KHDRBS2: variants seen among roughly 807,000 people sequenced by gnomAD.
The protein encoded by KHDRBS2 is KH domain-containing, RNA-binding, signal transduction-associated protein 2.
Under a neutral mutation model 44.3 loss-of-function variants are expected in KHDRBS2, and 26 were observed. The observed-to-expected ratio is 0.59, with a 90% CI of 0.43 to 0.81. The LOEUF is 0.81. Among genes scored for constraint, KHDRBS2 ranks in the 40% least tolerant of loss-of-function variants. The probability of loss-of-function intolerance (pLI) is 0.00; values close to 1 mark genes in which losing one functional copy is unlikely to be tolerated. For synonymous variants in KHDRBS2, 194 were observed against 151.1 expected (o/e 1.28, Z -2.08); for missense variants, 476 against 433.1 (o/e 1.10, Z -0.88).
At chr6:61,908,658 C>T (rs1187314365) in intron 4 of KHDRBS2, among the ~76,000 whole-genome samples, 2 of 147,474 alleles carry the variant, frequency 1.4e-5, no homozygotes, top group East Asian at 2.0e-4. Context: ...AAAATCAATA[C>T]ATAATAAAAG....
At chr6:61,767,980 T>G (rs1159809911) in intron 6 of KHDRBS2, among the ~76,000 whole-genome samples, 3 of 152,292 alleles carry the variant, frequency 2.0e-5, no homozygotes, top group Admixed American at 1.3e-4. Flanking sequence ...GTTTTGTATC[T>G]TCAGATGGGT....
intron 2 of KHDRBS2, among the ~76,000 whole-genome samples, chr6:62,163,154 C>T (rs1285513502): frequency 6.6e-6 from 1 of 152,004 alleles, no homozygotes; most frequent in African/African-American, 2.4e-5. Flanking sequence ...AACCAGCAAA[C>T]TAGGCTGACA....
intron 4 of KHDRBS2, among the ~76,000 whole-genome samples, chr6:61,961,198 C>A (rs1395378008): frequency 6.6e-6 from 1 of 152,114 alleles, no homozygotes; most frequent in Non-Finnish European, 1.5e-5. Flanking sequence ...CAATTATTCA[C>A]TGAGTGCTTA....
intron 7 of KHDRBS2, among the ~76,000 whole-genome samples, chr6:61,699,518 AT>A (rs1180807033): frequency 6.6e-6 from 1 of 152,128 alleles, no homozygotes; most frequent in East Asian, 1.9e-4. Flanking sequence ...ACCAAATCAT[AT>A]AAGGGCTGAG....
intron 2 of KHDRBS2, among the ~76,000 whole-genome samples, chr6:62,169,033 T>C (rs1204757657): frequency 6.4e-5 from 2 of 31,018 alleles, no homozygotes; most frequent in African/African-American, 1.3e-4. Flanking sequence ...TGTTCTCCAG[T>C]CATATATATA....
intron 1 of KHDRBS2, among the ~76,000 whole-genome samples, chr6:62,198,887 C>A (rs1826282715): frequency 6.6e-6 from 1 of 152,120 alleles, no homozygotes; most frequent in Non-Finnish European, 1.5e-5. Context: ...AGCTTATCCA[C>A]CATGATCAAG....
intron 6 of KHDRBS2, among the ~76,000 whole-genome samples, chr6:61,759,524 G>GT (rs765049654): frequency 2.8e-4 from 41 of 147,746 alleles, no homozygotes; most frequent in South Asian, 1.5e-3. Flanking sequence ...TTTTTGAAGG[G>GT]TTTTTTTTTT....
At chr6:61,868,358 G>A (rs994477255) in intron 6 of KHDRBS2, among the ~76,000 whole-genome samples, 9 of 152,094 alleles carry the variant, frequency 5.9e-5, no homozygotes, top group Admixed American at 1.3e-4. Flanking sequence ...CTCCATCCCA[G>A]GGAGAAATAA....
chr6:61,596,516 T>C, the KHDRBS2 span, among the ~76,000 whole-genome samples: 1 of 152,196 alleles, frequency 6.6e-6, no homozygotes, highest in Non-Finnish European at 1.5e-5. Context: ...TTGGATAAGA[T>C]TCTTTACTTG....
At chr6:61,633,647 C>A in the KHDRBS2 span, among the ~76,000 whole-genome samples, 1 of 152,012 alleles carries the variant, frequency 6.6e-6, no homozygotes, top group African/African-American at 2.4e-5. Flanking sequence ...CTCTGTCTTG[C>A]ACATCCTCAT....
intron 2 of KHDRBS2, among the ~76,000 whole-genome samples, chr6:62,167,314 TAATTCGG>T (rs1818906628): frequency 6.6e-6 from 1 of 152,100 alleles, no homozygotes; most frequent in African/African-American, 2.4e-5. Flanking sequence ...GAAGCACAAC[TAATTCGG>T]AATTAGAAAT....
intron 3 of KHDRBS2, among the ~76,000 whole-genome samples, chr6:62,045,704 C>T (rs2127304201): frequency 6.6e-6 from 1 of 151,954 alleles, no homozygotes; most frequent in Non-Finnish European, 1.5e-5. Context: ...ATTGCACAAT[C>T]CCATGTGATG....
At chr6:61,621,874 C>T in the KHDRBS2 span, among the ~76,000 whole-genome samples, 2 of 152,112 alleles carry the variant, frequency 1.3e-5, no homozygotes, top group Non-Finnish European at 2.9e-5. Flanking sequence ...ATGAACTGAC[C>T]ACAGAGGGGA....
intron 1 of KHDRBS2, among the ~76,000 whole-genome samples, chr6:62,186,010 C>T (rs1436250474): frequency 6.6e-6 from 1 of 152,032 alleles, no homozygotes; most frequent in Admixed American, 6.6e-5. Context: ...CCCATTCACC[C>T]TAATGTGGGA....
intron 6 of KHDRBS2, among the ~76,000 whole-genome samples, chr6:61,734,413 C>T (rs1000044133): frequency 6.6e-6 from 1 of 151,820 alleles, no homozygotes; most frequent in African/African-American, 2.4e-5. Flanking sequence ...CTCCTTTAAC[C>T]TTCAGCTCTC....
chr6:61,561,180 A>G, the KHDRBS2 span, among the ~76,000 whole-genome samples: 2 of 152,064 alleles, frequency 1.3e-5, no homozygotes, highest in Non-Finnish European at 2.9e-5. Context: ...TTTCAAATAA[A>G]TGGAGACTCT....
intron 6 of KHDRBS2, among the ~76,000 whole-genome samples, chr6:61,777,066 C>A (rs1782167037): frequency 6.6e-6 from 1 of 151,722 alleles, no homozygotes; most frequent in South Asian, 2.1e-4. Context: ...CATGTTCTCA[C>A]TCATAGGTGG....
At chr6:62,245,699 T>C (rs1835438374) in intron 1 of KHDRBS2, among the ~76,000 whole-genome samples, 1 of 152,150 alleles carries the variant, frequency 6.6e-6, no homozygotes, top group Non-Finnish European at 1.5e-5. Context: ...TGAACTTATG[T>C]GGCAAATAAT....
intron 6 of KHDRBS2, among the ~76,000 whole-genome samples, chr6:61,820,730 T>C (rs1789766587): frequency 6.6e-6 from 1 of 152,066 alleles, no homozygotes; most frequent in Non-Finnish European, 1.5e-5. Context: ...ACAATCCATT[T>C]ATGCAGAAGG....
Sources: allele counts gnomAD v4.1 joint callset (sites outside exome capture counted in the v4.1 genomes callset), GRCh38; gene constraint gnomAD v4.1.1; transcripts MANE v1.5; gene names NCBI Gene and HGNC (gene_info 2026-07-23, HGNC 2026-07-21).